Variants in ATR observed in about 807,000 individuals in gnomAD.
The protein encoded by ATR is serine/threonine-protein kinase ATR.
A neutral mutation model predicts 305.3 loss-of-function variants in ATR; 142 were observed. The observed-to-expected ratio is 0.47, with a 90% CI of 0.41 to 0.53. The LOEUF (loss-of-function observed/expected upper bound fraction) is 0.53. Ranked by LOEUF, ATR falls within the 20% of genes least tolerant of loss-of-function variation. The probability of loss-of-function intolerance (pLI) is 0.00; values close to 1 mark genes in which losing one functional copy is unlikely to be tolerated. For synonymous variants in ATR, 1,050 were observed against 1,068.1 expected (o/e 0.98, Z 0.33); for missense variants, 2,135 against 3,133.1 (o/e 0.68, Z 7.60).
At position 142,553,326 on chromosome 3, in the gene ATR, A is replaced by G. The variant is rs1383387766; in HGVS notation, c.2706T>C (p.Ser902=). The G allele has an allele frequency of 1.2e-6, 2 of 1,614,094 alleles. No individual in the cohort carries two copies. ...LLHCLLSKSA[S]VSGAAYTEIR... is the part of the protein sequence containing the mutation. ...TTTCTGTGTATGCTGCTCCAGAGACAGATGCTGACTTGGATAACAAACAAT... is the reference window on the plus strand; with the variant it reads ...TTTCTGTGTATGCTGCTCCAGAGACGGATGCTGACTTGGATAACAAACAAT... Residue 902 remains serine, a synonymous_variant, in exon 13 of 47, where the codon TCT becomes TCC. Coordinates refer to ENST00000350721, the MANE Select transcript of ATR (RefSeq NM_001184.4).
rs2108311278 is a variant in ATR at position 142,485,221 on chromosome 3, T to C, written c.6140A>G (p.Asp2047Gly). The change falls in exon 36 of 47, where the codon GAC (aspartate) becomes GGC (glycine). Residue 2047 changes from aspartate (D) to glycine (G), a missense_variant. Transcript: ENST00000350721. ...GTCTGTGACCATGGGCATCAATTTG[T>C]CATAGTACTTGGCAAGGTAAAAATG... ...DGHFYLAKYY[D>G]KLMPMVTDNK... 6.2e-7 allele frequency: 1 copy of C among 1,614,128 alleles called. No homozygotes were observed. Among genetic ancestry groups the C allele is most frequent in the Non-Finnish European group, 8.5e-7 (1 of 1,179,998 alleles).
intron 21 of ATR, among the ~76,000 whole-genome samples, chr3:142,528,879 A>ATATATATATATATTTTT (rs1215767510): frequency 2.0e-4 from 6 of 30,488 alleles, no homozygotes; most frequent in Admixed American, 5.4e-4. Context: ...ATATATATAT[A>ATATATATATATATTTTT]TTTTTTTTTT....
chr3:142,452,342 C>CA (rs199634751), intron 46 of ATR: 17 of 985,086 alleles, frequency 1.7e-5, no homozygotes, highest in South Asian at 9.4e-5. Context: ...TGCCCCCCAC[C>CA]AAAAAAAACG....
intron 24 of ATR, among the ~76,000 whole-genome samples, chr3:142,518,123 C>T (rs1221746704): frequency 6.6e-6 from 1 of 152,194 alleles, no homozygotes; most frequent in African/African-American, 2.4e-5. Flanking sequence ...TCTTTGACAT[C>T]TACAGGTGCT....
At position 142,553,759 on chromosome 3, in the gene ATR, C is replaced by T. The variant is rs748922241; in HGVS notation, c.2533-19G>A. The T allele has an allele frequency of 6.2e-7, 1 of 1,609,906 alleles. No homozygotes were observed. Among genetic ancestry groups the T allele is most frequent in the Admixed American group, 1.7e-5 (1 of 59,986 alleles). On this transcript the variant is annotated intron_variant, in intron 11 of 46. Transcript: ENST00000350721. ...CAAAAAGCTAGAACAATAAAATTAA[C>T]TGGTTAAAGAAATTTTTAGAGCTAG...
chr3:142,495,435 A>G (rs1456200781), intron 34 of ATR, among the ~76,000 whole-genome samples: 1 of 152,130 alleles, frequency 6.6e-6, no homozygotes, highest in Non-Finnish European at 1.5e-5. Flanking sequence ...GGAGAAATTT[A>G]AGTAATAGCC....
Position 142,563,856 on chromosome 3 carries a change from C to T in ATR, c.293-747G>A, listed in dbSNP as rs372586186. 3.3e-5 allele frequency among the ~76,000 whole-genome samples: 5 copies of T among 152,306 alleles called. No individual in the cohort carries two copies. In the East Asian group the frequency reaches 5.8e-4, roughly 18 times the overall value. ...GGAGGAAATTAAAAGTACTACTCCA[C>T]TGAACGCACCATTGATGAGAAAGTG... On this transcript the variant is annotated intron_variant, in intron 3 of 46. Coordinates refer to ENST00000350721, the MANE Select transcript of ATR (RefSeq NM_001184.4).
rs200968047 is a variant in ATR, at chr3:142,560,355, C to A, written c.1449G>T (p.Lys483Asn). The A allele has an allele frequency of 5.0e-6, 8 of 1,613,696 alleles. No individual in the cohort carries two copies. The highest frequency in any genetic ancestry group is 5.9e-6 in the Non-Finnish European group (7 of 1,179,828). Residue 483 changes from lysine to asparagine, a missense_variant, in exon 6 of 47, where the codon AAG (lysine) becomes AAT (asparagine). Lys to Asn is a moderately conservative substitution (Grantham distance 94, BLOSUM62 0). Transcript: ENST00000350721. The stretch of plus-strand genomic sequence containing the variant: ...CTTCTAACATCTCAATAACAGGATT[C>A]TTTAGGCCACTGTATTCAAGGGAAA... ...LQISLEYSGL[K>N]NPVIEMLEGI...
At chr3:142,505,613 G>A (rs1238949246) in intron 28 of ATR, among the ~76,000 whole-genome samples, 1 of 152,128 alleles carries the variant, frequency 6.6e-6, no homozygotes, top group Non-Finnish European at 1.5e-5. Context: ...ATTCTGTTGA[G>A]TATAGCTTAT....
intron 1 of ATR, among the ~76,000 whole-genome samples, chr3:142,576,394 T>C (rs1377949312): frequency 6.6e-6 from 1 of 152,150 alleles, no homozygotes; most frequent in East Asian, 1.9e-4. Context: ...AGCATATGGA[T>C]GACATTTAAA....
At chr3:142,503,321 C>G (rs2032074946) in intron 30 of ATR, 41 bp downstream of exon 30, 1 of 1,397,680 alleles carries the variant, frequency 7.2e-7, no homozygotes, top group East Asian at 2.3e-5. Context: ...ATTCTCCATT[C>G]AGATGCAATA....
intron 41 of ATR, among the ~76,000 whole-genome samples, chr3:142,464,599 A>AC (rs2071087531): frequency 6.6e-6 from 1 of 152,254 alleles, no homozygotes. Context: ...ACTTTGAATA[A>AC]TGCCAAGTGA....
chr3:142,547,630 A>G, intron 16 of ATR, 95 bp downstream of exon 16: 7 of 1,408,440 alleles, frequency 5.0e-6, no homozygotes, highest in Non-Finnish European at 6.8e-6. Flanking sequence ...GCTAGCAGCC[A>G]GAAAATGACC....
intron 16 of ATR, among the ~76,000 whole-genome samples, chr3:142,543,597 CTCT>C (rs891861527): frequency 3.3e-5 from 5 of 150,784 alleles, no homozygotes; most frequent in Admixed American, 2.6e-4. Context: ...TTCTTTCCTC[CTCT>C]TTTTTCTTAG....
intron 35 of ATR, among the ~76,000 whole-genome samples, chr3:142,485,622 A>ATG (rs532338514): frequency 1.9e-3 from 275 of 146,762 alleles, no homozygotes; most frequent in Non-Finnish European, 3.0e-3. Flanking sequence ...TATATATGAT[A>ATG]TGTGTGTGTG....
intron 46 of ATR, chr3:142,450,374 G>T: frequency 1.3e-6 from 2 of 1,491,130 alleles, no homozygotes; most frequent in Non-Finnish European, 9.2e-7. Flanking sequence ...AAGTTACTTT[G>T]CCAGACCTTT....
At position 142,458,806 on chromosome 3, in the gene ATR, A is replaced by G. The variant is rs868734875; in HGVS notation, c.7503+152T>C. The G allele has an allele frequency of 5.6e-5, 48 of 858,406 alleles. 1 individual carries two copies. Among genetic ancestry groups the G allele is most frequent in the Middle Eastern group, 6.5e-4 (2 of 3,086 alleles). The allele number at this position is 858,406 out of a possible 1,614,324, so 53.2% of individuals were successfully genotyped here. A position where few individuals can be genotyped will look rare whatever the true frequency, so the allele number is the denominator to read the frequency against. On this transcript the variant is annotated intron_variant, in intron 44 of 46. Coordinates refer to ENST00000350721, the MANE Select transcript of ATR (RefSeq NM_001184.4). ...TCTCCATCCTAATACGCATTACTAC[A>G]TGATCCACTGATGAAAACTAGTCAA...
chr3:142,507,417 CA>C (rs1559947827), intron 28 of ATR, among the ~76,000 whole-genome samples: 1 of 152,202 alleles, frequency 6.6e-6, no homozygotes, highest in Non-Finnish European at 1.5e-5. Flanking sequence ...ATAGCCCTTC[CA>C]AACTCCTCCT....
At chr3:142,474,507 T>C (rs1468032377) in intron 36 of ATR, among the ~76,000 whole-genome samples, 2 of 152,204 alleles carry the variant, frequency 1.3e-5, no homozygotes, top group African/African-American at 4.8e-5. Flanking sequence ...AATGAGATTG[T>C]CTTCTTAATT....
Sources: gnomAD v4.1 joint callset for allele counts (sites outside exome capture counted in the v4.1 genomes callset) on GRCh38, gnomAD v4.1.1 for gene constraint, MANE v1.5 for transcripts, NCBI Gene and HGNC (gene_info 2026-07-23, HGNC 2026-07-21) for gene names.